ETF1: variants seen among roughly 807,000 people sequenced by gnomAD.
ETF1 encodes the protein eukaryotic translation termination factor 1, also known as eukaryotic peptide chain release factor subunit 1.
In ETF1, 4 loss-of-function variants were observed where a neutral mutation model predicts 55.1. That is an observed-to-expected ratio of 0.07 (90% CI 0.04 to 0.17). The LOEUF is 0.17. ETF1 is among the 10% of genes least tolerant of loss of function. ETF1 has a pLI of 1.00. For missense variants in ETF1, 142 were observed against 523.6 expected, an observed-to-expected ratio of 0.27 and a Z score of 7.11; for synonymous variants, 157 against 182.3, an observed-to-expected ratio of 0.86 and a Z score of 1.12.
chr5:138,538,930 T>C (rs1464631015), intron 2 of ETF1, among the ~76,000 whole-genome samples: 1 of 152,248 alleles, frequency 6.6e-6, no homozygotes, highest in African/African-American at 2.4e-5. Context: ...GGGGATTCTT[T>C]AAAAATGGTT....
chr5:138,519,847 G>T (rs956625088), intron 2 of ETF1, among the ~76,000 whole-genome samples: 1 of 151,988 alleles, frequency 6.6e-6, no homozygotes, highest in African/African-American at 2.4e-5. Context: ...GAAGATTTTG[G>T]TTTTTTAACT....
chr5:138,541,435 C>T (rs1299080379), intron 2 of ETF1: 3 of 960,420 alleles, frequency 3.1e-6, no homozygotes, highest in Non-Finnish European at 4.8e-6. Context: ...AAGCCCGTCA[C>T]TGAATGGGGC....
chr5:138,535,189 A>C (rs1013500928), intron 2 of ETF1, among the ~76,000 whole-genome samples: 1 of 151,880 alleles, frequency 6.6e-6, no homozygotes, highest in African/African-American at 2.4e-5. Flanking sequence ...TACCTCAGTG[A>C]TCTACCTGCC....
At chr5:138,535,714 G>T (rs1292380389) in intron 2 of ETF1, among the ~76,000 whole-genome samples, 7 of 138,394 alleles carry the variant, frequency 5.1e-5, no homozygotes, top group Non-Finnish European at 1.1e-4. Context: ...GAGCAAGACC[G>T]TCTCAAAAAA....
intron 4 of ETF1, among the ~76,000 whole-genome samples, chr5:138,517,065 T>C (rs953287889): frequency 6.6e-6 from 1 of 152,192 alleles, no homozygotes; most frequent in African/African-American, 2.4e-5. Context: ...ACAAACTATA[T>C]GATTCCATTA....
chr5:138,537,175 T>A (rs1428177558), intron 2 of ETF1, among the ~76,000 whole-genome samples: 2 of 152,164 alleles, frequency 1.3e-5, no homozygotes, highest in South Asian at 2.1e-4. Context: ...CACCACCACA[T>A]CCTTTCTAAC....
chr5:138,523,695 A>T (rs189115303), intron 2 of ETF1, among the ~76,000 whole-genome samples: 1 of 152,178 alleles, frequency 6.6e-6, no homozygotes, highest in African/African-American at 2.4e-5. Context: ...TGATGGAAAT[A>T]CTGTTTTTCT....
chr5:138,530,716 G>C (rs940577780), intron 2 of ETF1, among the ~76,000 whole-genome samples: 2 of 151,814 alleles, frequency 1.3e-5, no homozygotes, highest in East Asian at 1.9e-4. Context: ...TAGGGTTACA[G>C]GCACGCGCCA....
chr5:138,510,409 A>G (rs1438848657), intron 9 of ETF1, among the ~76,000 whole-genome samples, 156 bp downstream of exon 9: 1 of 147,530 alleles, frequency 6.8e-6, no homozygotes, highest in African/African-American at 2.5e-5. Flanking sequence ...CTTCCCTGAA[A>G]TCAGATTCGT....
intron 2 of ETF1, among the ~76,000 whole-genome samples, chr5:138,537,346 A>G (rs1364928657): frequency 6.6e-6 from 1 of 152,240 alleles, no homozygotes; most frequent in Non-Finnish European, 1.5e-5. Context: ...ATACAAAAGG[A>G]AAGAGCTAAC....
At chr5:138,508,844 A>G in intron 9 of ETF1, 28 bp from the exon 10 acceptor site, 1 of 1,608,240 alleles carries the variant, frequency 6.2e-7, no homozygotes, top group South Asian at 1.1e-5. Flanking sequence ...AGATACAAAA[A>G]TGGGGGATTA....
At chr5:138,524,544 CTG>C (rs1438640978) in intron 2 of ETF1, among the ~76,000 whole-genome samples, 1 of 146,702 alleles carries the variant, frequency 6.8e-6, no homozygotes, top group Non-Finnish European at 1.5e-5. Flanking sequence ...CAGAGTGAAA[CTG>C]TGTCTCTTAA....
Position 138,506,602 on chromosome 5 carries a change from G to A in ETF1, c.*1703C>T, listed in dbSNP as rs1385843242. 2 of 152,668 alleles carry A rather than the reference G, an allele frequency of 1.3e-5. No individual in the cohort carries two copies. The highest frequency in any genetic ancestry group is 1.9e-4 in the East Asian group (1 of 5,200). The allele number at this position is 152,668 out of a possible 1,614,324, so 9.5% of individuals were successfully genotyped here. ...AGCCTGTTCCGGTGAAGTCTCCCAC[G>A]TTGGTGAACACCAAATAATGGACTC... On this transcript the variant is annotated 3_prime_UTR_variant, in exon 11 of 11. Transcript: ENST00000360541.
rs1764550489 is a variant in ETF1 at position 138,506,158 on chromosome 5, G to A, written c.*2147C>T. ...TACATCACAACACCAAGATTTTGCT[G>A]CTTAGTATCTCTCTGCAGAGGCTAT... is the stretch of plus-strand genomic sequence containing the variant. On this transcript the variant is annotated 3_prime_UTR_variant, in exon 11 of 11. Transcript: ENST00000360541. 2 of 152,498 alleles carry A rather than the reference G, an allele frequency of 1.3e-5. No homozygotes were observed. Among genetic ancestry groups the A allele is most frequent in the South Asian group, 4.1e-4 (2 of 4,826 alleles). 9.4% of individuals were successfully genotyped at this position (152,498 alleles called of 1,614,324 possible). A position where few individuals can be genotyped will look rare whatever the true frequency, so the allele number is the denominator to read the frequency against.
chr5:138,509,447 CA>C (rs1449851349), intron 9 of ETF1, among the ~76,000 whole-genome samples: 1 of 152,110 alleles, frequency 6.6e-6, no homozygotes, highest in Non-Finnish European at 1.5e-5. Context: ...TACTTAAAAA[CA>C]AAGACAAAAA....
intron 2 of ETF1, among the ~76,000 whole-genome samples, chr5:138,524,154 G>A (rs1765356184): frequency 1.3e-5 from 2 of 150,040 alleles, no homozygotes; most frequent in South Asian, 4.2e-4. Context: ...TCGTGCCACT[G>A]CACTCCAGCT....
At chr5:138,529,371 G>A (rs1765602827) in intron 2 of ETF1, among the ~76,000 whole-genome samples, 1 of 152,112 alleles carries the variant, frequency 6.6e-6, no homozygotes, top group Non-Finnish European at 1.5e-5. Flanking sequence ...GAAAAATAAA[G>A]CTCTCACTAA....
rs374292869 is a variant in ETF1, at chr5:138,534,404, G to A, written c.86+8429C>T. 4.7e-4 allele frequency among the ~76,000 whole-genome samples: 71 copies of A among 152,322 alleles called. No homozygotes were observed. The South Asian group carries it at 9.5e-3, about 20-fold the overall frequency. Reference sequence around the variant, plus strand: ...AAATTTCTCTAGTGTTCTTACAACAGTGCAAAGCAAGAGACTGCAATCACA... The same window carrying A: ...AAATTTCTCTAGTGTTCTTACAACAATGCAAAGCAAGAGACTGCAATCACA... On this transcript the variant is annotated intron_variant, in intron 2 of 10. Coordinates refer to ENST00000360541, the MANE Select transcript of ETF1 (RefSeq NM_004730.4).
At chr5:138,542,489 C>T (rs1766221473) in intron 2 of ETF1, 2 of 490,458 alleles carry the variant, frequency 4.1e-6, no homozygotes, top group Admixed American at 4.5e-5. Flanking sequence ...AACACTTTGC[C>T]ACAATAGCAC....
Sources: gnomAD v4.1 joint callset for allele counts (sites outside exome capture counted in the v4.1 genomes callset) on GRCh38, gnomAD v4.1.1 for gene constraint, MANE v1.5 for transcripts, NCBI Gene and HGNC (gene_info 2026-07-23, HGNC 2026-07-21) for gene names.